The following PTPRT variants were observed in gnomAD, a reference collection of about 807,000 sequenced individuals.
PTPRT encodes the protein protein tyrosine phosphatase receptor type T.
Under a neutral mutation model 176.8 loss-of-function variants are expected in PTPRT, and 56 were observed. That is an observed-to-expected ratio of 0.32 (90% CI 0.26 to 0.40). The LOEUF (loss-of-function observed/expected upper bound fraction) is 0.40. Ranked by LOEUF, PTPRT falls within the 10% of genes least tolerant of loss-of-function variation. The probability of loss-of-function intolerance (pLI) is 1.00; values close to 1 mark genes in which losing one functional copy is unlikely to be tolerated. For synonymous variants in PTPRT, 783 were observed against 739.0 expected (o/e 1.06, Z -0.96); for missense variants, 1,540 against 1,908.2 (o/e 0.81, Z 3.60).
At chr20:43,026,005 T>C (rs1985893754) in intron 1 of PTPRT, among the ~76,000 whole-genome samples, 1 of 152,226 alleles carries the variant, frequency 6.6e-6, no homozygotes, top group African/African-American at 2.4e-5. Context: ...AGTGCAGTTA[T>C]GTCCTGCCTA....
At chr20:42,137,195 C>T (rs905120086) in intron 18 of PTPRT, among the ~76,000 whole-genome samples, 8 of 152,168 alleles carry the variant, frequency 5.3e-5, no homozygotes, top group Non-Finnish European at 1.2e-4. Flanking sequence ...AGGACCCAGG[C>T]AATGGCCACC....
At chr20:42,295,777 G>T (rs2057377720) in intron 12 of PTPRT, among the ~76,000 whole-genome samples, 2 of 152,186 alleles carry the variant, frequency 1.3e-5, no homozygotes, top group Admixed American at 6.5e-5. Context: ...ATGTGTTGGG[G>T]GAGGGACCTT....
intron 9 of PTPRT, among the ~76,000 whole-genome samples, chr20:42,379,811 C>T (rs1410701152): frequency 6.6e-6 from 1 of 152,338 alleles, no homozygotes; most frequent in Non-Finnish European, 1.5e-5. Context: ...TGCCCCCATG[C>T]TTTCCTCCAA....
At chr20:42,601,885 AGACT>A (rs2073789053) in intron 7 of PTPRT, among the ~76,000 whole-genome samples, 1 of 152,158 alleles carries the variant, frequency 6.6e-6, no homozygotes, top group Non-Finnish European at 1.5e-5. Flanking sequence ...TCTGGCTAGC[AGACT>A]GACTGTCAGG....
At chr20:42,653,685 T>C (rs556331412) in intron 7 of PTPRT, among the ~76,000 whole-genome samples, 1 of 152,346 alleles carries the variant, frequency 6.6e-6, no homozygotes, top group South Asian at 2.1e-4. Flanking sequence ...TTTTGAACTA[T>C]TTAAAAAATA....
intron 1 of PTPRT, among the ~76,000 whole-genome samples, chr20:42,939,349 G>A (rs1254988321): frequency 2.0e-5 from 3 of 152,144 alleles, no homozygotes; most frequent in African/African-American, 4.8e-5. Flanking sequence ...CATCACTCCC[G>A]CCATCTCAGC....
intron 1 of PTPRT, among the ~76,000 whole-genome samples, chr20:42,941,088 A>AAAAAATAATAATAATAAT (rs1555807280): frequency 6.6e-6 from 1 of 150,400 alleles, no homozygotes; most frequent in African/African-American, 2.4e-5. Context: ...TCTCAAAAAA[A>AAAAAATAATAATAATAAT]AATAATAATA....
chr20:42,751,371 C>T (rs747337289), intron 6 of PTPRT, among the ~76,000 whole-genome samples: 5 of 152,126 alleles, frequency 3.3e-5, no homozygotes, highest in Non-Finnish European at 7.4e-5. Flanking sequence ...TCCCCAGACC[C>T]GGGAATCAGC....
At chr20:42,899,381 G>T (rs1273862544) in intron 1 of PTPRT, among the ~76,000 whole-genome samples, 1 of 152,206 alleles carries the variant, frequency 6.6e-6, no homozygotes, top group African/African-American at 2.4e-5. Flanking sequence ...AGAAGCCCAA[G>T]CCAAGCTCTT....
At chr20:42,311,195 C>G (rs573879489) in intron 12 of PTPRT, among the ~76,000 whole-genome samples, 6 of 152,312 alleles carry the variant, frequency 3.9e-5, no homozygotes, top group African/African-American at 1.4e-4. Flanking sequence ...GCTTGACTCA[C>G]TGCTGCATTC....
At chr20:42,919,694 T>C (rs896498783) in intron 1 of PTPRT, among the ~76,000 whole-genome samples, 2 of 152,238 alleles carry the variant, frequency 1.3e-5, no homozygotes, top group Non-Finnish European at 2.9e-5. Context: ...AGAGACTTAA[T>C]ACAGAAGCAG....
chr20:42,654,285 G>A (rs2145978958), intron 7 of PTPRT, among the ~76,000 whole-genome samples: 1 of 152,278 alleles, frequency 6.6e-6, no homozygotes, highest in Admixed American at 6.5e-5. Flanking sequence ...CAAGAATGAT[G>A]CAAGAAGGCT....
chr20:42,580,172 A>G (rs933376352), intron 7 of PTPRT, among the ~76,000 whole-genome samples: 1 of 152,138 alleles, frequency 6.6e-6, no homozygotes, highest in African/African-American at 2.4e-5. Flanking sequence ...TCCTTTCCCC[A>G]TTGCTTGTTT....
At chr20:42,524,160 T>A (rs571555086) in intron 7 of PTPRT, among the ~76,000 whole-genome samples, 1 of 152,342 alleles carries the variant, frequency 6.6e-6, no homozygotes, top group South Asian at 2.1e-4. Context: ...TACACACACA[T>A]ATACCAACTT....
chr20:42,515,902 C>T (rs2145477257), intron 7 of PTPRT, among the ~76,000 whole-genome samples: 1 of 150,148 alleles, frequency 6.7e-6, no homozygotes. Context: ...GGCACATATA[C>T]ACCATGGAAT....
chr20:42,723,610 T>C (rs2076335475), intron 6 of PTPRT, among the ~76,000 whole-genome samples: 1 of 152,162 alleles, frequency 6.6e-6, no homozygotes, highest in Non-Finnish European at 1.5e-5. Flanking sequence ...ATAATACCCC[T>C]CTTCCACTCT....
chr20:42,351,707 TTCATTCA>T (rs2058287187), intron 10 of PTPRT, among the ~76,000 whole-genome samples: 1 of 152,134 alleles, frequency 6.6e-6, no homozygotes, highest in Non-Finnish European at 1.5e-5. Flanking sequence ...CATTCATTCA[TTCATTCA>T]TTCATCAGGT....
chr20:42,939,182 G>A (rs1164221851), intron 1 of PTPRT, among the ~76,000 whole-genome samples: 1 of 152,198 alleles, frequency 6.6e-6, no homozygotes, highest in East Asian at 1.9e-4. Context: ...AGCATACTCT[G>A]ATGGCAAATG....
At chr20:42,516,605 C>T (rs57145092) in intron 7 of PTPRT, among the ~76,000 whole-genome samples, 2,756 of 152,160 alleles carry the variant, frequency 0.018, 75 homozygotes, top group African/African-American at 0.064. Context: ...CATTCATGGG[C>T]TCATCTTTTT....
Sources: allele counts gnomAD v4.1 joint callset (sites outside exome capture counted in the v4.1 genomes callset), GRCh38; gene constraint gnomAD v4.1.1; transcripts MANE v1.5; gene names NCBI Gene and HGNC (gene_info 2026-07-23, HGNC 2026-07-21).